EML1: variants seen among roughly 807,000 people sequenced by gnomAD.
EML1 encodes the protein EMAP like 1.
Under a neutral mutation model 110.4 loss-of-function variants are expected in EML1, and 27 were observed. That is an observed-to-expected ratio of 0.24 (90% CI 0.18 to 0.34). EML1 has a LOEUF of 0.34. Ranked by LOEUF, EML1 falls within the 10% of genes least tolerant of loss-of-function variation. The pLI, the probability that EML1 is intolerant of heterozygous loss-of-function variation, is 1.00. For synonymous variants in EML1, 344 were observed against 385.8 expected, an observed-to-expected ratio of 0.89 and a Z score of 1.27; for missense variants, 741 against 1,030.9, an observed-to-expected ratio of 0.72 and a Z score of 3.85.
chr14:99,797,357 T>A (rs1355596251), intron 1 of EML1, among the ~76,000 whole-genome samples: 1 of 152,200 alleles, frequency 6.6e-6, no homozygotes, highest in Non-Finnish European at 1.5e-5. Context: ...GTTGATGGGT[T>A]ATTTGGGTTA....
intron 8 of EML1, chr14:99,899,317 A>ATTTTTT (rs56004347): frequency 6.8e-6 from 1 of 147,286 alleles, no homozygotes; most frequent in Non-Finnish European, 1.5e-5. Context: ...TTTTCCATTA[A>ATTTTTT]TTTTTTTTTT....
At chr14:99,931,262 C>T (rs563091305) in intron 17 of EML1, among the ~76,000 whole-genome samples, 45 of 152,310 alleles carry the variant, frequency 3.0e-4, no homozygotes, top group Non-Finnish European at 5.4e-4. Flanking sequence ...CCCTCCCCAC[C>T]CCAGATCTCA....
At chr14:99,753,003 G>C (rs571170453) in intron 1 of EML1, among the ~76,000 whole-genome samples, 1 of 152,074 alleles carries the variant, frequency 6.6e-6, no homozygotes, top group Non-Finnish European at 1.5e-5. Context: ...TTTATTCCCC[G>C]CCCTGGCATC....
intron 4 of EML1, among the ~76,000 whole-genome samples, chr14:99,880,621 C>T (rs1404801904): frequency 6.6e-6 from 1 of 152,174 alleles, no homozygotes. Context: ...TCGACATGTC[C>T]ATTGTTCCTG....
chr14:99,779,556 GAGACTAC>G (rs139976900), intron 1 of EML1, among the ~76,000 whole-genome samples: 2,133 of 152,288 alleles, frequency 0.014, 27 homozygotes, highest in Non-Finnish European at 0.023. Context: ...TGCAAGTCCT[GAGACTAC>G]AGATGACACT....
intron 4 of EML1, among the ~76,000 whole-genome samples, chr14:99,884,991 GTTAACT>G (rs1266273383): frequency 1.3e-5 from 2 of 152,222 alleles, no homozygotes; most frequent in Non-Finnish European, 1.5e-5. Flanking sequence ...GTAACTGCCT[GTTAACT>G]TTATCTGTGA....
At chr14:99,870,299 GA>G (rs2059175105) in intron 3 of EML1, among the ~76,000 whole-genome samples, 1 of 152,170 alleles carries the variant, frequency 6.6e-6, no homozygotes, top group African/African-American at 2.4e-5. Flanking sequence ...GAGAGGTGAG[GA>G]AGCTGTAGAA....
chr14:99,869,379 G>A (rs2059157068), intron 3 of EML1, among the ~76,000 whole-genome samples: 1 of 152,152 alleles, frequency 6.6e-6, no homozygotes, highest in Admixed American at 6.5e-5. Flanking sequence ...CCCATAGAAG[G>A]TGGCAAACTT....
intron 1 of EML1, among the ~76,000 whole-genome samples, chr14:99,747,804 G>A (rs1031074737): frequency 6.6e-6 from 1 of 152,204 alleles, no homozygotes; most frequent in Non-Finnish European, 1.5e-5. Context: ...GGGACTTGGT[G>A]CTGCCCCAGG....
chr14:99,871,610 A>G (rs1299612503), intron 3 of EML1, among the ~76,000 whole-genome samples: 1 of 152,228 alleles, frequency 6.6e-6, no homozygotes, highest in African/African-American at 2.4e-5. Flanking sequence ...TTCAGCCCTC[A>G]TGGATGACTC....
intron 2 of EML1, among the ~76,000 whole-genome samples, chr14:99,854,596 G>A (rs2058870057): frequency 6.6e-6 from 1 of 152,172 alleles, no homozygotes; most frequent in Admixed American, 6.5e-5. Context: ...GTCTCTGTGA[G>A]CTCCCCAGAC....
intron 9 of EML1, among the ~76,000 whole-genome samples, chr14:99,904,299 A>G (rs1441269957): frequency 6.6e-6 from 1 of 152,186 alleles, no homozygotes; most frequent in East Asian, 1.9e-4. Flanking sequence ...ATTTCTCTCA[A>G]ACTTTCGACA....
At chr14:99,738,780 A>T (rs2057000501) in intron 1 of EML1, among the ~76,000 whole-genome samples, 1 of 152,222 alleles carries the variant, frequency 6.6e-6, no homozygotes, top group African/African-American at 2.4e-5. Context: ...TGCTGGCAGC[A>T]GGTGGGCACC....
At chr14:99,749,306 A>G (rs946654531) in intron 1 of EML1, among the ~76,000 whole-genome samples, 3 of 152,032 alleles carry the variant, frequency 2.0e-5, no homozygotes, top group East Asian at 3.9e-4. Flanking sequence ...GACTCCTCAC[A>G]TCTTCACCGG....
intron 1 of EML1, among the ~76,000 whole-genome samples, chr14:99,753,325 T>G (rs776513209): frequency 3.3e-5 from 5 of 151,202 alleles, no homozygotes; most frequent in Non-Finnish European, 5.9e-5. Context: ...CTCATTGCAA[T>G]TAAGTCCGAA....
upstream of EML1, among the ~76,000 whole-genome samples, chr14:99,790,919 G>A (rs1484645202): frequency 6.7e-6 from 1 of 149,000 alleles, no homozygotes; most frequent in East Asian, 2.0e-4. Flanking sequence ...GTGCAGTGGT[G>A]TGATCTTGGC....
intron 4 of EML1, among the ~76,000 whole-genome samples, chr14:99,884,409 G>A (rs1366105697): frequency 6.6e-6 from 1 of 152,190 alleles, no homozygotes; most frequent in African/African-American, 2.4e-5. Flanking sequence ...TGTACAGAAC[G>A]TAGTCCAAGG....
intron 1 of EML1, among the ~76,000 whole-genome samples, chr14:99,751,813 G>A (rs1163651070): frequency 6.6e-6 from 1 of 152,138 alleles, no homozygotes; most frequent in African/African-American, 2.4e-5. Context: ...GACGAGCTTA[G>A]ACAGGAGGGG....
chr14:99,940,056 C>A lies in EML1; in HGVS notation c.2392C>A (p.His798Asn). Residue 798 changes from histidine to asparagine, a missense_variant, in exon 22 of 22, where the codon CAC becomes AAC. Physicochemically the swap from His to Asn is moderately conservative, Grantham distance 68. Coordinates refer to ENST00000262233, the MANE Select transcript of EML1 (RefSeq NM_004434.3). ...TGTCGATTTCCTCTGTGAAGACAGC[C>A]ACCTCATCTCCACGGGCGGGAAAGA... ...TNVDFLCEDS[H>N]LISTGGKDTS... The A allele has an allele frequency of 6.2e-7, 1 of 1,602,600 alleles. No individual in the cohort carries two copies. Among genetic ancestry groups the A allele is most frequent in the Non-Finnish European group, 8.5e-7 (1 of 1,174,738 alleles).
Sources: allele counts gnomAD v4.1 joint callset (sites outside exome capture counted in the v4.1 genomes callset), GRCh38; gene constraint gnomAD v4.1.1; transcripts MANE v1.5; gene names NCBI Gene and HGNC (gene_info 2026-07-23, HGNC 2026-07-21).